RBP5: variants seen among roughly 807,000 people sequenced by gnomAD.
RBP5 encodes retinol binding protein 5.
A neutral mutation model predicts 17.8 loss-of-function variants in RBP5; 12 were observed. The observed-to-expected ratio is 0.67, with a 90% CI of 0.43 to 1.09. The LOEUF is 1.09. RBP5 is among the 50% of genes least tolerant of loss of function. The probability of loss-of-function intolerance (pLI) is 0.00; values close to 1 mark genes in which losing one functional copy is unlikely to be tolerated. For missense variants in RBP5, 172 were observed against 169.4 expected, an observed-to-expected ratio of 1.02 and a Z score of -0.09; for synonymous variants, 64 against 68.1, an observed-to-expected ratio of 0.94 and a Z score of 0.30.
chr12:7,124,914 T>C lies in RBP5; in HGVS notation c.253-184A>G, dbSNP rs1306075283. Among the ~76,000 whole-genome samples the C allele has an allele frequency of 1.3e-5, 2 of 152,252 alleles. No homozygotes were observed. Among genetic ancestry groups the C allele is most frequent in the East Asian group, 3.9e-4 (2 of 5,176 alleles). The stretch of plus-strand genomic sequence containing the variant: ...CCTTTCCACCCTACTCTTTGTTTTT[T>C]GTGTTTTTTTGAGACAAGTTCTTGC... On this transcript the variant is annotated intron_variant, in intron 2 of 3. Coordinates refer to ENST00000266560, the MANE Select transcript of RBP5 (RefSeq NM_031491.4). The surrounding 1 kb of genome is among the most constrained non-coding windows in gnomAD (Gnocchi z 5.3).
chr12:7,128,323 T>C lies in RBP5; in HGVS notation c.169A>G (p.Thr57Ala). ...GNHMTVRTLSTFRNYTVQFDV... is the reference protein window; with the variant it reads ...GNHMTVRTLSAFRNYTVQFDV... ...AACTGCACAGTGTAGTTTCGGAAGG[T>C]GCTGAGCGTCCTCACCGTCATGTGG... The change falls in exon 2 of 4, where the codon ACC (threonine) becomes GCC (alanine). Residue 57 changes from threonine (T) to alanine (A), a missense_variant. Thr to Ala is a moderately conservative substitution (Grantham distance 58). Coordinates refer to ENST00000266560, the MANE Select transcript of RBP5 (RefSeq NM_031491.4). The surrounding 1 kb of genome is among the most constrained non-coding windows in gnomAD (Gnocchi z 5.3). 6.2e-7 allele frequency: 1 copy of C among 1,614,180 alleles called. No homozygotes were observed. The highest frequency in any genetic ancestry group is 8.5e-7 in the Non-Finnish European group (1 of 1,180,022).
intron 2 of RBP5, among the ~76,000 whole-genome samples, chr12:7,127,121 T>C (rs1939183989): frequency 6.6e-6 from 1 of 151,332 alleles, no homozygotes; most frequent in Non-Finnish European, 1.5e-5. Flanking sequence ...GCCTCCTGAG[T>C]AGCTGGGATT....
Position 7,128,871 on chromosome 12 carries a change from A to G in RBP5, c.-96T>C. The G allele has an allele frequency of 1.0e-6, 1 of 957,444 alleles. No homozygotes were observed. Among genetic ancestry groups the G allele is most frequent in the Non-Finnish European group, 1.6e-6 (1 of 606,234 alleles). 59.3% of individuals were successfully genotyped at this position (957,444 alleles called of 1,614,324 possible). ...AGGCTGAGAGATTCCAGCCAGCTCCACACACAGAGACAGGATGTGTAATGG... is the reference window on the plus strand; with the variant it reads ...AGGCTGAGAGATTCCAGCCAGCTCCGCACACAGAGACAGGATGTGTAATGG... On this transcript the variant is annotated 5_prime_UTR_variant, in exon 1 of 4. Coordinates refer to ENST00000266560, the MANE Select transcript of RBP5 (RefSeq NM_031491.4). This position sits in a 1 kb window ranked among gnomAD's most constrained non-coding sequence, Gnocchi z 5.3.
At position 7,124,551 on chromosome 12, in the gene RBP5, G is replaced by C. The variant is rs1376891758; in HGVS notation, c.354+78C>G. 1 of 797,876 alleles carries C rather than the reference G, an allele frequency of 1.3e-6. No individual in the cohort carries two copies. Among genetic ancestry groups the C allele is most frequent in the African/African-American group, 1.7e-5 (1 of 59,158 alleles). 49.4% of individuals were successfully genotyped at this position (797,876 alleles called of 1,614,324 possible). The stretch of plus-strand genomic sequence containing the variant: ...GGGCTGGGCTGGGGGAAGAGTGGTG[G>C]ACCTATCTGGTTTGGACAAGGGGAT... On this transcript the variant is annotated intron_variant, in intron 3 of 3. Transcript: ENST00000266560. This position sits in a 1 kb window ranked among gnomAD's most constrained non-coding sequence, Gnocchi z 5.3.
chr12:7,125,333 T>G (rs911502285), intron 2 of RBP5, among the ~76,000 whole-genome samples: 4 of 152,184 alleles, frequency 2.6e-5, no homozygotes, highest in African/African-American at 4.8e-5. Context: ...ATGGAGACTT[T>G]TTCCTCTGGA....
upstream of RBP5, chr12:7,129,674 A>G (rs1431109519): frequency 1.0e-6 from 1 of 985,298 alleles, no homozygotes; most frequent in African/African-American, 1.7e-5. The surrounding 1 kb of genome is among the most constrained non-coding windows in gnomAD (Gnocchi z 5.5). Context: ...CCTAAATAAT[A>G]TTGTGCCCCG....
chr12:7,127,561 T>C, intron 2 of RBP5: 1 of 645,848 alleles, frequency 1.5e-6, no homozygotes, highest in South Asian at 1.7e-5. Context: ...TTATTTTTAT[T>C]TTTCCCAAAT....
upstream of RBP5, chr12:7,129,518 A>G (rs1939238284): frequency 8.4e-6 from 6 of 715,088 alleles, no homozygotes; most frequent in Non-Finnish European, 1.0e-5. The surrounding 1 kb of genome is among the most constrained non-coding windows in gnomAD (Gnocchi z 5.5). Flanking sequence ...TTTGTTGGCT[A>G]TTCTGGAGAA....
Position 7,124,691 on chromosome 12 carries a change from G to GCA in RBP5, c.290_291dup (p.Gln98CysfsTer24). 1.2e-6 allele frequency: 2 copies of GCA among 1,612,480 alleles called. No individual in the cohort carries two copies. The highest frequency in any genetic ancestry group is 1.7e-6 in the Non-Finnish European group (2 of 1,178,844). ...CCCCGGTTGGGGACCTCCCCTTTCT[G>GCA]CACACACACCAGGTGCTCCTCCTCC... is the stretch of plus-strand genomic sequence containing the variant. On this transcript the variant is annotated frameshift_variant, in exon 3 of 4. Coordinates refer to ENST00000266560, the MANE Select transcript of RBP5 (RefSeq NM_031491.4). LOFTEE classifies it high-confidence loss of function. The surrounding 1 kb of genome is among the most constrained non-coding windows in gnomAD (Gnocchi z 5.3).
chr12:7,116,931 T>G (rs918568203), exon 4 of RBP5: 4 of 152,220 alleles, frequency 2.6e-5, no homozygotes, highest in African/African-American at 9.7e-5. Context: ...ACATTTTGTT[T>G]AAAACAGCAA....
At chr12:7,123,065 C>G (rs1047592764), downstream of RBP5, among the ~76,000 whole-genome samples, 1 of 152,178 alleles carries the variant, frequency 6.6e-6, no homozygotes. Context: ...TTTTCCCACC[C>G]TCACATTGAG....
rs772833356 is a variant in RBP5 at position 7,124,144 on chromosome 12, G to C, written c.385C>G (p.Gln129Glu). The C allele has an allele frequency of 2.3e-5, 37 of 1,614,014 alleles. No homozygotes were observed. The Admixed American group carries it at 5.8e-4, about 25-fold the overall frequency. ...GGCTATCTGACCTTCCTGAAGACCTGCTCGCACACTGCATCCCTTGCAGTC... is the reference window on the plus strand; with the variant it reads ...GGCTATCTGACCTTCCTGAAGACCTCCTCGCACACTGCATCCCTTGCAGTC... ...ELTARDAVCEQVFRKVR is the reference protein window; with the variant it reads ...ELTARDAVCEEVFRKVR The change falls in exon 4 of 4, where the codon CAG becomes GAG. Residue 129 changes from glutamine (Q) to glutamate (E), a missense_variant. Physicochemically the swap from Gln to Glu is conservative, Grantham distance 29 (BLOSUM62 2). Transcript: ENST00000266560. The surrounding 1 kb of genome is among the most constrained non-coding windows in gnomAD (Gnocchi z 5.3).
Position 7,124,519 on chromosome 12 carries a change from G to A in RBP5, c.354+110C>T. ...CCCTCCCTGGTCAATTCCTTGGATA[G>A]GGATTGGGGCTGGGCTGGGGGAAGA... On this transcript the variant is annotated intron_variant, in intron 3 of 3. Coordinates refer to ENST00000266560, the MANE Select transcript of RBP5 (RefSeq NM_031491.4). This position sits in a 1 kb window ranked among gnomAD's most constrained non-coding sequence, Gnocchi z 5.3. 1.4e-6 allele frequency: 1 copy of A among 702,968 alleles called. No individual in the cohort carries two copies. Among genetic ancestry groups the A allele is most frequent in the East Asian group, 2.5e-5 (1 of 40,170 alleles). 43.5% of individuals were successfully genotyped at this position (702,968 alleles called of 1,614,324 possible). A position where few individuals can be genotyped will look rare whatever the true frequency, so the allele number is the denominator to read the frequency against.
chr12:7,124,187 G>A lies in RBP5; in HGVS notation c.355-13C>T, dbSNP rs1591608065. ...TTGCAGTCAGTTCCTGGGGAGAGAG[G>A]GGAAGTGAGGGGGAGAGAGAAAGAG... On this transcript the variant is annotated splice_polypyrimidine_tract_variant and intron_variant, in intron 3 of 3. Coordinates refer to ENST00000266560, the MANE Select transcript of RBP5 (RefSeq NM_031491.4). This position sits in a 1 kb window ranked among gnomAD's most constrained non-coding sequence, Gnocchi z 5.3. 2 of 1,613,758 alleles carry A rather than the reference G, an allele frequency of 1.2e-6. No homozygotes were observed. Among genetic ancestry groups the A allele is most frequent in the Non-Finnish European group, 8.5e-7 (1 of 1,179,828 alleles).
In RBP5 at chr12:7,128,401, G is replaced by C; in HGVS notation, c.91C>G (p.Arg31Gly). 1 of 1,614,086 alleles carries C rather than the reference G, an allele frequency of 6.2e-7. No homozygotes were observed. Among genetic ancestry groups the C allele is most frequent in the South Asian group, 1.1e-5 (1 of 91,066 alleles). ...LQALNISLAV[R>G]KIALLLKPDK... ...GGCTTCAGCAGCAGCGCGATCTTCC[G>C]CACAGCCAAGCTGATGTCTGTGGGG... The change falls in exon 2 of 4, where the codon CGG becomes GGG. Residue 31 changes from arginine to glycine, a missense_variant. Coordinates refer to ENST00000266560, the MANE Select transcript of RBP5 (RefSeq NM_031491.4). This position sits in a 1 kb window ranked among gnomAD's most constrained non-coding sequence, Gnocchi z 5.3.
downstream of RBP5, chr12:7,118,912 AGAG>A (rs758139559): frequency 1.3e-3 from 193 of 153,702 alleles, 2 homozygotes; most frequent in Admixed American, 8.2e-3. Context: ...AAGAAGAAGA[AGAG>A]GAGGAGGAGG....
At chr12:7,120,321 C>T (rs1341167831), downstream of RBP5, among the ~76,000 whole-genome samples, 9 of 152,210 alleles carry the variant, frequency 5.9e-5, no homozygotes, top group East Asian at 1.7e-3. Context: ...AGAGCAATGC[C>T]GTCCTGTTGG....
At chr12:7,115,737 T>C (rs1938997987) in exon 4 of RBP5, 1 of 152,278 alleles carries the variant, frequency 6.6e-6, no homozygotes, top group African/African-American at 2.4e-5. Flanking sequence ...ACTGGGGAAT[T>C]CATGAAGAGA....
At chr12:7,120,276 G>A (rs1939061696), downstream of RBP5, among the ~76,000 whole-genome samples, 1 of 152,098 alleles carries the variant, frequency 6.6e-6, no homozygotes, top group Non-Finnish European at 1.5e-5. Context: ...GCCTCTAGTA[G>A]GGGTGCATAT....
Sources: allele counts gnomAD v4.1 joint callset (sites outside exome capture counted in the v4.1 genomes callset), GRCh38; gene constraint gnomAD v4.1.1; non-coding constraint Gnocchi (gnomAD v3.1); transcripts MANE v1.5; gene names NCBI Gene and HGNC (gene_info 2026-07-23, HGNC 2026-07-21).